SBNO1: variants seen among roughly 807,000 people sequenced by gnomAD.
The protein encoded by SBNO1 is protein strawberry notch homolog 1.
A neutral mutation model predicts 173.6 loss-of-function variants in SBNO1; 23 were observed. That is an observed-to-expected ratio of 0.13 (90% confidence interval 0.10 to 0.19). SBNO1 has a LOEUF of 0.19. SBNO1 is among the 10% of genes least tolerant of loss of function. SBNO1 has a pLI of 1.00. For missense variants in SBNO1, 1,238 were observed against 1,671.2 expected, an observed-to-expected ratio of 0.74 and a Z score of 4.52; for synonymous variants, 632 against 571.5, an observed-to-expected ratio of 1.11 and a Z score of -1.51.
intron 15 of SBNO1, 152 bp downstream of exon 15, chr12:123,325,350 A>C (rs1566036855): frequency 1.7e-6 from 1 of 601,708 alleles, no homozygotes; most frequent in South Asian, 2.1e-5. Flanking sequence ...CAATAGATAC[A>C]CTGTTACAGA....
intron 5 of SBNO1, among the ~76,000 whole-genome samples, chr12:123,338,322 G>A (rs1291395231): frequency 6.6e-6 from 1 of 152,032 alleles, no homozygotes; most frequent in Non-Finnish European, 1.5e-5. Flanking sequence ...GCAAGCAGGG[G>A]TGGGCGGATC....
At chr12:123,310,004 ATT>A in intron 25 of SBNO1, 148 bp from the exon 26 acceptor site, 1 of 636,788 alleles carries the variant, frequency 1.6e-6, no homozygotes, top group South Asian at 2.2e-5. Flanking sequence ...TAATCTGCCC[ATT>A]TCTCTCTCTA....
At chr12:123,327,037 CCT>C (rs1445638337) in intron 13 of SBNO1, among the ~76,000 whole-genome samples, 1 of 151,992 alleles carries the variant, frequency 6.6e-6, no homozygotes, top group African/African-American at 2.4e-5. Context: ...ATGGAGTATC[CCT>C]CTGTTACCCA....
intron 20 of SBNO1, among the ~76,000 whole-genome samples, chr12:123,319,605 C>T (rs1566032915): frequency 6.6e-6 from 1 of 152,064 alleles, no homozygotes; most frequent in Non-Finnish European, 1.5e-5. Context: ...GACGGGGTTT[C>T]ACCATGCTGC....
intron 28 of SBNO1, among the ~76,000 whole-genome samples, chr12:123,305,340 A>G (rs2048886951): frequency 6.6e-6 from 1 of 152,236 alleles, no homozygotes; most frequent in South Asian, 2.1e-4. Flanking sequence ...ATCACATGAT[A>G]AAGTGTTCTG....
At chr12:123,336,363 ATGTAAATATCT>A in intron 6 of SBNO1, 21 bp downstream of exon 6, 1 of 1,274,878 alleles carries the variant, frequency 7.8e-7, no homozygotes, top group Non-Finnish European at 1.1e-6. Flanking sequence ...GAAAACTTTG[ATGTAAATATCT>A]GACAAATCCC....
At chr12:123,309,062 ACT>A (rs1490243343) in intron 28 of SBNO1, among the ~76,000 whole-genome samples, 1 of 146,348 alleles carries the variant, frequency 6.8e-6, no homozygotes, top group African/African-American at 2.4e-5. Flanking sequence ...AAAGAGCGAA[ACT>A]CTGTCTCAGA....
intron 7 of SBNO1, 66 bp downstream of exon 7, chr12:123,333,987 T>A: frequency 9.4e-7 from 1 of 1,062,502 alleles, no homozygotes; most frequent in Admixed American, 3.4e-5. Context: ...TACCTTTAGA[T>A]TGAAACAACT....
chr12:123,353,965 T>C (rs1874157510), intron 1 of SBNO1, among the ~76,000 whole-genome samples: 1 of 152,200 alleles, frequency 6.6e-6, no homozygotes, highest in Admixed American at 6.5e-5. Context: ...CCATGAGCTA[T>C]ACACCAAGCC....
intron 7 of SBNO1, among the ~76,000 whole-genome samples, chr12:123,331,731 A>G (rs1181353463): frequency 6.6e-6 from 1 of 152,180 alleles, no homozygotes; most frequent in Non-Finnish European, 1.5e-5. Context: ...CATGTTAGCC[A>G]GGATGATCTC....
Position 123,345,420 on chromosome 12 carries a change from T to A in SBNO1, c.388A>T (p.Thr130Ser), listed in dbSNP as rs749176350. The A allele has an allele frequency of 3.1e-6, 5 of 1,614,210 alleles. No homozygotes were observed. The South Asian group carries it at 5.5e-5, about 18-fold the overall frequency. ...LTKFIQTTAS[T>S]RPSVSAPTVR... ...GTTGGTGCTGAGACTGACGGGCGTGTGCTTGCAGTAGTCTGGATAAACTTA... is the reference window on the plus strand; with the variant it reads ...GTTGGTGCTGAGACTGACGGGCGTGAGCTTGCAGTAGTCTGGATAAACTTA... Residue 130 changes from threonine (T) to serine (S), a missense_variant, in exon 4 of 32, where the codon ACA (threonine) becomes TCA (serine). Transcript: ENST00000602398.
intron 4 of SBNO1, among the ~76,000 whole-genome samples, chr12:123,342,783 T>C (rs2139046386): frequency 6.6e-6 from 1 of 152,286 alleles, no homozygotes; most frequent in African/African-American, 2.4e-5. Context: ...CAAGAATCCC[T>C]GAAGTCCTCA....
At chr12:123,353,879 G>A (rs1057038074) in intron 1 of SBNO1, among the ~76,000 whole-genome samples, 2 of 152,136 alleles carry the variant, frequency 1.3e-5, no homozygotes, top group Non-Finnish European at 2.9e-5. Flanking sequence ...ATTTGAAACA[G>A]AAGTACATTG....
In SBNO1 at chr12:123,364,681, G is replaced by A. The variant is rs1875937751; in HGVS notation, c.-1+20C>T. 1 of 983,674 alleles carries A rather than the reference G, an allele frequency of 1.0e-6. No individual in the cohort carries two copies. 60.9% of individuals were successfully genotyped at this position (983,674 alleles called of 1,614,324 possible). A position where few individuals can be genotyped will look rare whatever the true frequency, so the allele number is the denominator to read the frequency against. On this transcript the variant is annotated intron_variant, in intron 1 of 31. Coordinates refer to ENST00000602398, the MANE Select transcript of SBNO1 (RefSeq NM_001167856.3). ...GGAGGGGGAGTGTGGAAGGAGAAAA[G>A]GGCCAAGGGAAGGACTTACTTTCCC...
chr12:123,345,438 T>C lies in SBNO1; in HGVS notation c.370A>G (p.Ile124Val). The C allele has an allele frequency of 6.2e-7, 1 of 1,614,230 alleles. No individual in the cohort carries two copies. Among genetic ancestry groups the C allele is most frequent in the Non-Finnish European group, 8.5e-7 (1 of 1,180,046 alleles). ...GGGCGTGTGCTTGCAGTAGTCTGGA[T>C]AAACTTAGTTAAAGTGATGGTTTGC... ...NRQTITLTKF[I>V]QTTASTRPSV... Residue 124 changes from isoleucine (I) to valine (V), a missense_variant, in exon 4 of 32, where the codon ATC (isoleucine) becomes GTC (valine). Transcript: ENST00000602398.
Position 123,296,002 on chromosome 12 carries a change from G to T in SBNO1, c.4088C>A (p.Ser1363Ter). The T allele has an allele frequency of 6.2e-7, 1 of 1,613,966 alleles. No homozygotes were observed. The highest frequency in any genetic ancestry group is 8.5e-7 in the Non-Finnish European group (1 of 1,179,856). Residue 1363 changes from serine (S) to a stop codon, truncating the protein, a stop_gained, in exon 32 of 32, where the codon TCA (serine) becomes TAA (stop). Transcript: ENST00000602398. LOFTEE classifies it high-confidence loss of function. ...NCVSPLVNLL[S>*]TSDQSQQLAV... ...AAGCTGTTGAGACTGGTCTGAAGTT[G>T]ATAGGAGATTTACAAGAGGAGACAC...
chr12:123,314,357 G>A (rs1869010704), intron 23 of SBNO1, among the ~76,000 whole-genome samples: 1 of 151,260 alleles, frequency 6.6e-6, no homozygotes, highest in Non-Finnish European at 1.5e-5. Flanking sequence ...TTGAGACGGA[G>A]TCTTGCTCTG....
At chr12:123,309,230 TAC>T in intron 28 of SBNO1, 78 bp downstream of exon 28, 1 of 1,013,370 alleles carries the variant, frequency 9.9e-7, no homozygotes, top group Middle Eastern at 2.1e-4. Flanking sequence ...GGGAAACAGG[TAC>T]AAAGTGAAGA....
chr12:123,304,588 A>G lies in SBNO1; in HGVS notation c.3762T>C (p.Tyr1254=), dbSNP rs751479534. The change falls in exon 29 of 32, where the codon TAT becomes TAC. Residue 1254 remains tyrosine, a synonymous_variant. Transcript: ENST00000602398. ...LEIYADLKKK[Y]KKVVSDDALM... ...TGTACAAATGAAAAAATACCTTCTT[A>G]TATTTCTTTTTTAGATCAGCATAAA... 1.7e-5 allele frequency: 27 copies of G among 1,548,860 alleles called. No homozygotes were observed. The highest frequency in any genetic ancestry group is 2.4e-5 in the Non-Finnish European group (27 of 1,123,236).
Sources: allele counts gnomAD v4.1 joint callset (sites outside exome capture counted in the v4.1 genomes callset), GRCh38; gene constraint gnomAD v4.1.1; transcripts MANE v1.5; gene names NCBI Gene and HGNC (gene_info 2026-07-23, HGNC 2026-07-21).